Variants in CNTNAP2 observed in about 807,000 individuals in gnomAD.
CNTNAP2 encodes the protein contactin-associated protein-like 2.
A neutral mutation model predicts 155.2 loss-of-function variants in CNTNAP2; 98 were observed. That is an observed-to-expected ratio of 0.63 (90% CI 0.54 to 0.75). The LOEUF (loss-of-function observed/expected upper bound fraction) is 0.75, where lower values mean the gene tolerates loss of function less well. Ranked by LOEUF, CNTNAP2 falls within the 30% of genes least tolerant of loss-of-function variation. The pLI is 0.00. For missense variants in CNTNAP2, 1,727 were observed against 1,688.1 expected, an observed-to-expected ratio of 1.02 and a Z score of -0.40; for synonymous variants, 651 against 631.2, an observed-to-expected ratio of 1.03 and a Z score of -0.47.
chr7:146,127,929 CAA>C (rs1797659697), intron 1 of CNTNAP2, among the ~76,000 whole-genome samples: 1 of 152,062 alleles, frequency 6.6e-6, no homozygotes, highest in Admixed American at 6.6e-5. Context: ...TTTAATATGA[CAA>C]AAATATAATT....
intron 1 of CNTNAP2, among the ~76,000 whole-genome samples, chr7:146,385,570 T>C (rs2129105708): frequency 6.6e-6 from 1 of 152,300 alleles, no homozygotes; most frequent in South Asian, 2.1e-4. Flanking sequence ...AGCCAAGTAA[T>C]CTCTCTTGTA....
At chr7:147,131,089 T>A (rs1801345384) in intron 7 of CNTNAP2, among the ~76,000 whole-genome samples, 1 of 149,488 alleles carries the variant, frequency 6.7e-6, no homozygotes. Context: ...TGTATATATG[T>A]GTATATATAC....
intron 13 of CNTNAP2, among the ~76,000 whole-genome samples, chr7:147,696,986 A>C (rs933337157): frequency 6.6e-6 from 1 of 152,058 alleles, no homozygotes; most frequent in African/African-American, 2.4e-5. Context: ...TTAAATTTTC[A>C]TTTTTTGGCA....
chr7:148,016,428 C>T (rs988152653), intron 15 of CNTNAP2, among the ~76,000 whole-genome samples: 1 of 152,198 alleles, frequency 6.6e-6, no homozygotes, highest in Non-Finnish European at 1.5e-5. Flanking sequence ...CACTTGGATG[C>T]TCCAGTGACA....
intron 1 of CNTNAP2, among the ~76,000 whole-genome samples, chr7:146,729,532 TAAAC>T (rs931789892): frequency 1.3e-5 from 2 of 152,074 alleles, no homozygotes; most frequent in Non-Finnish European, 2.9e-5. Context: ...GAAATTGTGT[TAAAC>T]AATAACTAGT....
intron 21 of CNTNAP2, among the ~76,000 whole-genome samples, chr7:148,282,912 A>G (rs1796998668): frequency 6.6e-6 from 1 of 152,238 alleles, no homozygotes; most frequent in African/African-American, 2.4e-5. Flanking sequence ...TGCATACCCA[A>G]TTGTTTTGAA....
intron 9 of CNTNAP2, among the ~76,000 whole-genome samples, chr7:147,358,570 C>T (rs1796098974): frequency 6.6e-6 from 1 of 151,986 alleles, no homozygotes; most frequent in Admixed American, 6.6e-5. Flanking sequence ...TGATTTATGG[C>T]ATCCATTTTA....
intron 1 of CNTNAP2, among the ~76,000 whole-genome samples, chr7:146,214,017 G>C (rs768377189): frequency 2.0e-5 from 3 of 152,152 alleles, no homozygotes; most frequent in African/African-American, 7.2e-5. Context: ...ATAGTGCTAG[G>C]AAGAGGCTTC....
intron 1 of CNTNAP2, among the ~76,000 whole-genome samples, chr7:146,642,391 G>A (rs1311889971): frequency 6.9e-6 from 1 of 144,050 alleles, no homozygotes; most frequent in Non-Finnish European, 1.5e-5. Context: ...TCCCACCTAT[G>A]AGTGAGAATA....
intron 13 of CNTNAP2, among the ~76,000 whole-genome samples, chr7:147,720,561 G>A (rs944614982): frequency 1.3e-5 from 2 of 152,006 alleles, no homozygotes; most frequent in East Asian, 1.9e-4. Context: ...TTGTAACCCC[G>A]TAATCCCCAC....
At chr7:146,398,798 T>C (rs999167802) in intron 1 of CNTNAP2, among the ~76,000 whole-genome samples, 6 of 152,060 alleles carry the variant, frequency 3.9e-5, no homozygotes, top group Non-Finnish European at 7.4e-5. Flanking sequence ...CCTGTAAAAG[T>C]TTAAGGCCCA....
intron 1 of CNTNAP2, among the ~76,000 whole-genome samples, chr7:146,618,068 C>G (rs1355188741): frequency 6.6e-6 from 1 of 151,812 alleles, no homozygotes; most frequent in East Asian, 1.9e-4. Context: ...AATAAAAACC[C>G]TTTAGGAAGT....
At chr7:147,584,401 CTTTAT>C (rs1214361776) in intron 12 of CNTNAP2, among the ~76,000 whole-genome samples, 1 of 152,120 alleles carries the variant, frequency 6.6e-6, no homozygotes, top group Non-Finnish European at 1.5e-5. Flanking sequence ...GCGGGCAAAT[CTTTAT>C]TTACTCCTTT....
chr7:147,441,813 TTCTCTCTCTCTC>T (rs568227936), intron 10 of CNTNAP2, among the ~76,000 whole-genome samples: 2,052 of 102,136 alleles, frequency 0.02, 30 homozygotes, highest in Non-Finnish European at 0.026. Context: ...TGTAGTCTCT[TTCTCTCTCTCTC>T]TCTCTCTCTC....
intron 15 of CNTNAP2, among the ~76,000 whole-genome samples, chr7:148,100,125 C>T (rs1228706127): frequency 1.3e-5 from 2 of 152,070 alleles, no homozygotes; most frequent in African/African-American, 4.8e-5. Context: ...TCGCCTCAGC[C>T]TCCCAAAGTG....
At chr7:146,453,853 G>A (rs1400104149) in intron 1 of CNTNAP2, among the ~76,000 whole-genome samples, 4 of 152,012 alleles carry the variant, frequency 2.6e-5, no homozygotes, top group African/African-American at 9.7e-5. Flanking sequence ...CATTCAAAAG[G>A]AAACACAAAG....
At chr7:148,368,584 G>A (rs2116635317) in intron 21 of CNTNAP2, among the ~76,000 whole-genome samples, 1 of 152,332 alleles carries the variant, frequency 6.6e-6, no homozygotes, top group Non-Finnish European at 1.5e-5. Flanking sequence ...TGCTGCAGAT[G>A]TAGCAGGACG....
At chr7:147,047,344 A>G (rs2129257061) in intron 4 of CNTNAP2, among the ~76,000 whole-genome samples, 1 of 138,596 alleles carries the variant, frequency 7.2e-6, no homozygotes, top group South Asian at 2.3e-4. Context: ...GATGGTCTTG[A>G]TTTGCTGACC....
At chr7:147,776,373 G>A (rs754738094) in intron 13 of CNTNAP2, among the ~76,000 whole-genome samples, 4 of 151,344 alleles carry the variant, frequency 2.6e-5, no homozygotes, top group Non-Finnish European at 5.9e-5. Flanking sequence ...TGAATGAAGA[G>A]GAAAAAGGAA....
Sources: allele counts gnomAD v4.1 joint callset (sites outside exome capture counted in the v4.1 genomes callset), GRCh38; gene constraint gnomAD v4.1.1; transcripts MANE v1.5; gene names NCBI Gene and HGNC (gene_info 2026-07-23, HGNC 2026-07-21).